Variants in ANK3 observed in about 807,000 individuals in gnomAD.
ANK3 encodes the protein ankyrin 3.
Under a neutral mutation model 370.9 loss-of-function variants are expected in ANK3, and 57 were observed. The observed-to-expected ratio is 0.15, with a 90% CI of 0.12 to 0.19. The LOEUF (loss-of-function observed/expected upper bound fraction) is 0.19, where lower values mean the gene tolerates loss of function less well. ANK3 is among the 10% of genes least tolerant of loss of function. ANK3 has a pLI of 1.00. For synonymous variants in ANK3, 1,929 were observed against 1,946.3 expected (o/e 0.99, Z 0.23); for missense variants, 4,439 against 5,302.1 (o/e 0.84, Z 5.06).
intron 2 of ANK3, among the ~76,000 whole-genome samples, chr10:60,457,111 T>C (rs948535781): frequency 6.6e-6 from 1 of 152,114 alleles, no homozygotes; most frequent in Admixed American, 6.6e-5. Flanking sequence ...TCTCTCTACC[T>C]TGACTTTAAC....
At chr10:60,482,278 T>C (rs1417494012) in intron 2 of ANK3, among the ~76,000 whole-genome samples, 1 of 152,140 alleles carries the variant, frequency 6.6e-6, no homozygotes, top group East Asian at 1.9e-4. Flanking sequence ...CCCACATTCA[T>C]AACAGGGGAC....
intron 1 of ANK3, among the ~76,000 whole-genome samples, chr10:60,325,066 C>T (rs1196041349): frequency 6.6e-6 from 1 of 152,172 alleles, no homozygotes; most frequent in Non-Finnish European, 1.5e-5. Flanking sequence ...AGATGGTGAA[C>T]ACTTGAACCA....
intron 2 of ANK3, among the ~76,000 whole-genome samples, chr10:60,461,477 G>A (rs976732256): frequency 2.6e-5 from 4 of 152,256 alleles, no homozygotes; most frequent in Middle Eastern, 3.4e-3. Flanking sequence ...AGCACAGATA[G>A]GTACATCAAC....
intron 8 of ANK3, among the ~76,000 whole-genome samples, chr10:60,226,864 A>G (rs1367952559): frequency 6.6e-6 from 1 of 150,630 alleles, no homozygotes; most frequent in African/African-American, 2.4e-5. Context: ...GCTATAGCAT[A>G]TATTTTATTT....
chr10:60,644,862 C>A (rs2078688595), intron 1 of ANK3, among the ~76,000 whole-genome samples: 3 of 104,320 alleles, frequency 2.9e-5, no homozygotes, highest in East Asian at 2.5e-4. Context: ...AGCTGAGATT[C>A]AGGCCTGAAT....
intron 11 of ANK3, among the ~76,000 whole-genome samples, chr10:60,204,119 AAGAC>A (rs1460492901): frequency 6.6e-6 from 1 of 152,240 alleles, no homozygotes; most frequent in Non-Finnish European, 1.5e-5. Context: ...AGTGAGGTAA[AAGAC>A]AGAAAAGGAA....
intron 2 of ANK3, among the ~76,000 whole-genome samples, chr10:60,540,603 A>G (rs984583799): frequency 6.6e-6 from 1 of 151,914 alleles, no homozygotes; most frequent in African/African-American, 2.4e-5. Context: ...GGGAAGGTAC[A>G]TGGATGAAGA....
chr10:60,661,670 C>T (rs760002469), intron 1 of ANK3, among the ~76,000 whole-genome samples: 23 of 152,248 alleles, frequency 1.5e-4, no homozygotes, highest in Non-Finnish European at 2.9e-4. Context: ...TCACTGTACA[C>T]GACCTTGCAG....
rs1199306074 is a variant in ANK3, at chr10:60,055,964, G to C, written c.12759C>G (p.Ser4253Arg). Residue 4253 changes from serine to arginine, a missense_variant, in exon 42 of 44, where the codon AGC (serine) becomes AGG (arginine). Physicochemically the swap from Ser to Arg is moderately radical, Grantham distance 110 (BLOSUM62 -1). Transcript: ENST00000280772. ...TTGCTTCTGGAGTGATTTCTGTATG[G>C]CTTCCATTTGCTTCAAATTTGCCAG... ...GEAGKFEANGSHTEITPEAKT... is the reference protein window; with the variant it reads ...GEAGKFEANGRHTEITPEAKT... 6.2e-7 allele frequency: 1 copy of C among 1,613,732 alleles called. No individual in the cohort carries two copies. Among genetic ancestry groups the C allele is most frequent in the African/African-American group, 1.3e-5 (1 of 74,882 alleles).
chr10:60,564,016 T>G (rs550433912), intron 2 of ANK3, among the ~76,000 whole-genome samples: 1 of 152,130 alleles, frequency 6.6e-6, no homozygotes, highest in Non-Finnish European at 1.5e-5. Context: ...AACATAAAAA[T>G]TTTTGTACTA....
At chr10:60,601,458 G>A (rs1189249472) in intron 2 of ANK3, among the ~76,000 whole-genome samples, 1 of 152,044 alleles carries the variant, frequency 6.6e-6, no homozygotes, top group African/African-American at 2.4e-5. Context: ...CTGTGGTCAA[G>A]CTCCCAAGAC....
intron 2 of ANK3, among the ~76,000 whole-genome samples, chr10:60,450,315 A>G (rs1487749223): frequency 5.3e-5 from 8 of 152,064 alleles, no homozygotes. Context: ...ATATATAGAG[A>G]GAATGAACAA....
chr10:60,720,039 A>C (rs1177372946), intron 1 of ANK3, among the ~76,000 whole-genome samples: 1 of 152,202 alleles, frequency 6.6e-6, no homozygotes, highest in Non-Finnish European at 1.5e-5. Context: ...AATTCCCATC[A>C]TTTTATTACA....
At chr10:60,209,420 C>A (rs542853084) in intron 9 of ANK3, among the ~76,000 whole-genome samples, 1 of 152,122 alleles carries the variant, frequency 6.6e-6, no homozygotes, top group African/African-American at 2.4e-5. Flanking sequence ...TCCTTGTTAA[C>A]CATTCTAACG....
chr10:60,643,872 T>C lies in ANK3; in HGVS notation c.58-28648A>G, dbSNP rs115471533. 2.0e-3 allele frequency among the ~76,000 whole-genome samples: 308 copies of C among 152,304 alleles called. 1 individual carries two copies. Among genetic ancestry groups the C allele is most frequent in the African/African-American group, 7.0e-3 (292 of 41,588 alleles). On this transcript the variant is annotated intron_variant, in intron 1 of 43. Transcript: ENST00000373827. ...GAAAATCTTTATCATTCCCAGAGAA[T>C]GTGTTCCTAGAACAAGAGCCTACCA...
At chr10:60,495,897 T>A (rs2075642327) in intron 2 of ANK3, among the ~76,000 whole-genome samples, 1 of 152,142 alleles carries the variant, frequency 6.6e-6, no homozygotes, top group Admixed American at 6.6e-5. Context: ...AAATCCCTAT[T>A]CAGAAAGGCA....
chr10:60,272,240 C>T (rs2098003428), intron 4 of ANK3, among the ~76,000 whole-genome samples: 1 of 151,852 alleles, frequency 6.6e-6, no homozygotes, highest in Non-Finnish European at 1.5e-5. Flanking sequence ...GCTATTTTCT[C>T]ATTTTCTAAT....
intron 9 of ANK3, among the ~76,000 whole-genome samples, chr10:60,210,173 G>A (rs1469972083): frequency 6.6e-6 from 1 of 152,164 alleles, no homozygotes; most frequent in Non-Finnish European, 1.5e-5. Context: ...TGTGGGTATT[G>A]CACTCAACAA....
chr10:60,262,902 C>T (rs1164542916), intron 6 of ANK3, among the ~76,000 whole-genome samples: 2 of 152,184 alleles, frequency 1.3e-5, no homozygotes, highest in East Asian at 3.9e-4. Flanking sequence ...TTCCTCATCT[C>T]TTTCAAACAC....
Sources: allele counts gnomAD v4.1 joint callset (sites outside exome capture counted in the v4.1 genomes callset), GRCh38; gene constraint gnomAD v4.1.1; transcripts MANE v1.5; gene names NCBI Gene and HGNC (gene_info 2026-07-23, HGNC 2026-07-21).